The following OXR1 variants were observed in gnomAD, a reference collection of about 807,000 sequenced individuals.
The protein encoded by OXR1 is oxidation resistance 1, also known as oxidation resistance protein 1.
A neutral mutation model predicts 104.6 loss-of-function variants in OXR1; 41 were observed. That is an observed-to-expected ratio of 0.39 (90% CI 0.31 to 0.51). The LOEUF (loss-of-function observed/expected upper bound fraction) is 0.51. Ranked by LOEUF, OXR1 falls within the 20% of genes least tolerant of loss-of-function variation. OXR1 has a pLI of 0.77. For synonymous variants in OXR1, 348 were observed against 348.4 expected (o/e 1.00, Z 0.01); for missense variants, 955 against 1,031.9 (o/e 0.93, Z 1.02).
At chr8:106,653,297 G>A (rs1824776889) in intron 3 of OXR1, among the ~76,000 whole-genome samples, 1 of 151,572 alleles carries the variant, frequency 6.6e-6, no homozygotes, top group Non-Finnish European at 1.5e-5. Context: ...AAAGCCAGAC[G>A]AGGATATCAC....
At chr8:106,477,147 A>G (rs1207694147) in intron 2 of OXR1, among the ~76,000 whole-genome samples, 1 of 151,930 alleles carries the variant, frequency 6.6e-6, no homozygotes, top group Non-Finnish European at 1.5e-5. Flanking sequence ...GCACTTCAGC[A>G]TCACTAATTA....
At chr8:106,370,242 T>G (rs1816647600) in intron 2 of OXR1, among the ~76,000 whole-genome samples, 5 of 152,216 alleles carry the variant, frequency 3.3e-5, no homozygotes, top group Admixed American at 2.6e-4. Flanking sequence ...TTTTGCAGAT[T>G]GGTTTTGTAT....
chr8:106,669,222 A>G (rs1826669897), intron 3 of OXR1, among the ~76,000 whole-genome samples: 1 of 152,214 alleles, frequency 6.6e-6, no homozygotes, highest in Non-Finnish European at 1.5e-5. Context: ...GGAAAAGCCC[A>G]TCAAATTTGC....
intron 11 of OXR1, among the ~76,000 whole-genome samples, chr8:106,717,436 T>A (rs1045619546): frequency 6.6e-6 from 1 of 152,142 alleles, no homozygotes; most frequent in Admixed American, 6.5e-5. Context: ...GGGCATCAGT[T>A]AGATTTAAAC....
intron 2 of OXR1, among the ~76,000 whole-genome samples, chr8:106,453,162 G>A (rs1254940011): frequency 1.3e-5 from 2 of 152,110 alleles, no homozygotes; most frequent in East Asian, 3.9e-4. Context: ...CATCTCCAGT[G>A]GTGCTGTGCA....
At chr8:106,616,123 G>GCTCCGCCTCCCAGGTTCACGCCATT (rs1275233314) in intron 3 of OXR1, among the ~76,000 whole-genome samples, 50 of 139,692 alleles carry the variant, frequency 3.6e-4, no homozygotes, top group Non-Finnish European at 7.0e-4. Context: ...CTCACTGCAA[G>GCTCCGCCTCCCAGGTTCACGCCATT]CTCCGCCTCC....
chr8:106,457,683 A>T (rs1056189583), intron 2 of OXR1, among the ~76,000 whole-genome samples: 1 of 152,170 alleles, frequency 6.6e-6, no homozygotes, highest in African/African-American at 2.4e-5. Context: ...GGATTATTTA[A>T]GTGGTTGGTC....
At chr8:106,739,685 AT>A (rs1404113425) in intron 13 of OXR1, 102 bp downstream of exon 13, 1 of 1,056,844 alleles carries the variant, frequency 9.5e-7, no homozygotes, top group African/African-American at 1.6e-5. Flanking sequence ...CGTTAATGCT[AT>A]TACTATTCCA....
intron 1 of OXR1, among the ~76,000 whole-genome samples, chr8:106,307,456 G>C (rs898301285): frequency 6.6e-6 from 1 of 152,066 alleles, no homozygotes; most frequent in Non-Finnish European, 1.5e-5. Context: ...TTTCCAGAAT[G>C]TGTCTTACTC....
At position 106,298,986 on chromosome 8, in the gene OXR1, T is replaced by A. The variant is rs560046032; in HGVS notation, c.-139+28619T>A. Among the ~76,000 whole-genome samples the A allele has an allele frequency of 5.9e-5, 9 of 152,014 alleles. 1 individual carries two copies. In the South Asian group the frequency reaches 1.9e-3, roughly 31 times the overall value. Reference sequence around the variant, plus strand: ...TATGTGTGTGTTATATGTAATAACATTGCTTATTTAATCTCACACATATAC... The same window carrying A: ...TATGTGTGTGTTATATGTAATAACAATGCTTATTTAATCTCACACATATAC... On this transcript the variant is annotated intron_variant, in intron 1 of 16. Transcript: ENST00000517566.
intron 1 of OXR1, among the ~76,000 whole-genome samples, chr8:106,302,596 A>T (rs533624268): frequency 0.01 from 1,591 of 151,920 alleles, 29 homozygotes; most frequent in African/African-American, 0.036. Context: ...AAAAAAAAAA[A>T]AAACAAGAAT....
intron 2 of OXR1, among the ~76,000 whole-genome samples, chr8:106,441,939 A>G (rs1819803596): frequency 6.6e-6 from 1 of 152,160 alleles, no homozygotes; most frequent in African/African-American, 2.4e-5. Context: ...CCTGGCCAAA[A>G]CTTCCAATAC....
chr8:106,385,875 C>G (rs1817351252), intron 2 of OXR1, among the ~76,000 whole-genome samples: 1 of 152,136 alleles, frequency 6.6e-6, no homozygotes, highest in African/African-American at 2.4e-5. Flanking sequence ...ACTCTAAAGG[C>G]TGGAAACTAG....
At chr8:106,482,417 G>GAAA (rs5893792) in intron 2 of OXR1, among the ~76,000 whole-genome samples, 2 of 145,070 alleles carry the variant, frequency 1.4e-5, no homozygotes. Context: ...GGAACTGGGG[G>GAAA]AAAAAAAAAA....
intron 2 of OXR1, among the ~76,000 whole-genome samples, chr8:106,386,727 A>G (rs574478099): frequency 6.6e-6 from 1 of 152,310 alleles, no homozygotes; most frequent in East Asian, 1.9e-4. Flanking sequence ...GGGAACAGTC[A>G]TTGAGAAGGG....
At chr8:106,723,000 C>T (rs1563747166) in intron 11 of OXR1, among the ~76,000 whole-genome samples, 1 of 152,066 alleles carries the variant, frequency 6.6e-6, no homozygotes, top group Non-Finnish European at 1.5e-5. Context: ...GTTTTGCTTT[C>T]CCTGTTAAAA....
chr8:106,736,452 T>C (rs900127892), intron 11 of OXR1, among the ~76,000 whole-genome samples: 2 of 152,194 alleles, frequency 1.3e-5, no homozygotes, highest in Admixed American at 6.5e-5. Context: ...AAATCTAAAC[T>C]CTTTATGAGC....
chr8:106,407,877 C>T (rs971745742), intron 2 of OXR1, among the ~76,000 whole-genome samples: 12 of 152,156 alleles, frequency 7.9e-5, no homozygotes, highest in African/African-American at 2.9e-4. Flanking sequence ...GTTTAAGCAT[C>T]ATATTGTTTG....
chr8:106,573,517 A>G (rs1431553425), intron 3 of OXR1, among the ~76,000 whole-genome samples: 1 of 152,170 alleles, frequency 6.6e-6, no homozygotes, highest in Non-Finnish European at 1.5e-5. Flanking sequence ...TCAAATACTG[A>G]CTTTTTGTAT....
Sources: allele counts gnomAD v4.1 joint callset (sites outside exome capture counted in the v4.1 genomes callset), GRCh38; gene constraint gnomAD v4.1.1; transcripts MANE v1.5; gene names NCBI Gene and HGNC (gene_info 2026-07-23, HGNC 2026-07-21).